SLC24A2: variants seen among roughly 807,000 people sequenced by gnomAD.
SLC24A2 encodes the protein sodium/potassium/calcium exchanger 2.
Under a neutral mutation model 62.0 loss-of-function variants are expected in SLC24A2, and 36 were observed. That is an observed-to-expected ratio of 0.58 (90% confidence interval 0.44 to 0.77). The LOEUF is 0.77. Among genes scored for constraint, SLC24A2 ranks in the 30% least tolerant of loss-of-function variants. SLC24A2 has a pLI of 0.00. For missense variants in SLC24A2, 846 were observed against 817.9 expected (o/e 1.03, Z -0.42); for synonymous variants, 358 against 294.0 (o/e 1.22, Z -2.23).
chr9:20,010,260 C>A, the SLC24A2 span, among the ~76,000 whole-genome samples: 1 of 152,130 alleles, frequency 6.6e-6, no homozygotes, highest in South Asian at 2.1e-4. Context: ...TGTTTCACCA[C>A]CAAAGAACAC....
At chr9:19,742,499 C>T (rs1483690619) in intron 2 of SLC24A2, among the ~76,000 whole-genome samples, 1 of 152,126 alleles carries the variant, frequency 6.6e-6, no homozygotes, top group Non-Finnish European at 1.5e-5. Flanking sequence ...AGAGAAAAGC[C>T]TATGTTTAAA....
the SLC24A2 span, among the ~76,000 whole-genome samples, chr9:20,053,657 C>T: frequency 6.6e-6 from 1 of 152,118 alleles, no homozygotes; most frequent in South Asian, 2.1e-4. Flanking sequence ...AAAACAGACC[C>T]CAGAGACCTC....
At chr9:19,550,001 C>G (rs747157253) in intron 8 of SLC24A2, 136 bp downstream of exon 8, 30 of 812,218 alleles carry the variant, frequency 3.7e-5, no homozygotes, top group Non-Finnish European at 2.3e-5. Context: ...ATAGTTGTAC[C>G]TATTTATGGG....
At chr9:20,224,290 G>C in the SLC24A2 span, among the ~76,000 whole-genome samples, 1 of 151,774 alleles carries the variant, frequency 6.6e-6, no homozygotes, top group Non-Finnish European at 1.5e-5. Context: ...AGCTAGATAA[G>C]GATTTCTTAT....
At chr9:20,190,021 C>T in the SLC24A2 span, among the ~76,000 whole-genome samples, 67 of 152,290 alleles carry the variant, frequency 4.4e-4, no homozygotes, top group South Asian at 1.2e-3. Flanking sequence ...GCTTAATTCC[C>T]GGCACCCCAC....
chr9:19,906,944 G>C, the SLC24A2 span, among the ~76,000 whole-genome samples: 1 of 152,128 alleles, frequency 6.6e-6, no homozygotes, highest in Non-Finnish European at 1.5e-5. Context: ...CCAATCAACA[G>C]AAAAAGAGGG....
chr9:19,788,789 G>T (rs1273477667), intron 1 of SLC24A2, 96 bp downstream of exon 1: 3 of 985,322 alleles, frequency 3.0e-6, no homozygotes, highest in African/African-American at 1.7e-5. Flanking sequence ...CCACCTGTGA[G>T]CCTGCAGAGC....
At chr9:19,692,028 GT>G (rs755202521) in intron 2 of SLC24A2, among the ~76,000 whole-genome samples, 15 of 152,138 alleles carry the variant, frequency 9.9e-5, no homozygotes, top group Non-Finnish European at 2.1e-4. Context: ...CAAGAGGTAA[GT>G]ATATTATTGT....
intron 7 of SLC24A2, among the ~76,000 whole-genome samples, chr9:19,566,102 A>G (rs1835638472): frequency 6.6e-6 from 1 of 152,218 alleles, no homozygotes; most frequent in Non-Finnish European, 1.5e-5. Flanking sequence ...AACAGAAGTC[A>G]AAATTGACAA....
the SLC24A2 span, among the ~76,000 whole-genome samples, chr9:20,090,503 C>G: frequency 1.1e-4 from 17 of 152,132 alleles, no homozygotes; most frequent in African/African-American, 4.1e-4. Context: ...GGGAGCCCCA[C>G]GCCTGAGCAA....
chr9:19,946,178 C>T, the SLC24A2 span, among the ~76,000 whole-genome samples: 4 of 152,188 alleles, frequency 2.6e-5, no homozygotes, highest in Non-Finnish European at 4.4e-5. Context: ...CTAAGTCCAT[C>T]CCCCAGCTCA....
the SLC24A2 span, among the ~76,000 whole-genome samples, chr9:20,218,461 G>A: frequency 4.6e-5 from 7 of 152,122 alleles, no homozygotes; most frequent in East Asian, 1.9e-4. Flanking sequence ...TGCTTGTGTC[G>A]GAATGTGTGT....
the SLC24A2 span, chr9:19,928,852 T>C: frequency 6.6e-6 from 1 of 152,180 alleles, no homozygotes; most frequent in South Asian, 2.1e-4. Context: ...AAAATAAAAT[T>C]CTTTAACACA....
chr9:20,255,537 C>A, the SLC24A2 span, among the ~76,000 whole-genome samples: 1 of 152,194 alleles, frequency 6.6e-6, no homozygotes, highest in African/African-American at 2.4e-5. Context: ...GGAGGATCCA[C>A]TTCCAAGTTG....
the SLC24A2 span, among the ~76,000 whole-genome samples, chr9:20,252,723 G>A: frequency 1.3e-5 from 2 of 152,042 alleles, no homozygotes; most frequent in Non-Finnish European, 2.9e-5. Context: ...CCAATTGGCA[G>A]TTGTTGTTGT....
At chr9:19,731,422 T>TA (rs1255792601) in intron 2 of SLC24A2, among the ~76,000 whole-genome samples, 1 of 152,152 alleles carries the variant, frequency 6.6e-6, no homozygotes, top group Non-Finnish European at 1.5e-5. Context: ...TAATTTAAGT[T>TA]AAATACAATC....
intron 8 of SLC24A2, among the ~76,000 whole-genome samples, chr9:19,542,179 G>C (rs867352126): frequency 6.6e-6 from 1 of 152,152 alleles, no homozygotes; most frequent in Non-Finnish European, 1.5e-5. Context: ...CGTCGCTCAC[G>C]CTGGGAGCTG....
chr9:20,124,096 C>T, the SLC24A2 span, among the ~76,000 whole-genome samples: 1 of 152,120 alleles, frequency 6.6e-6, no homozygotes, highest in Non-Finnish European at 1.5e-5. Flanking sequence ...TCTATTCATC[C>T]TTGATACAAT....
chr9:19,557,422 T>C (rs1038347397), intron 7 of SLC24A2, among the ~76,000 whole-genome samples: 8 of 152,230 alleles, frequency 5.3e-5, no homozygotes, highest in Non-Finnish European at 1.0e-4. Flanking sequence ...GTGGTTCTTA[T>C]CCTGGGGCAG....
Sources: gnomAD v4.1 joint callset for allele counts (sites outside exome capture counted in the v4.1 genomes callset) on GRCh38, gnomAD v4.1.1 for gene constraint, MANE v1.5 for transcripts, NCBI Gene and HGNC (gene_info 2026-07-23, HGNC 2026-07-21) for gene names.